PTPRD: variants seen among roughly 807,000 people sequenced by gnomAD.
PTPRD encodes the protein receptor-type tyrosine-protein phosphatase delta.
In PTPRD, 34 loss-of-function variants were observed where a neutral mutation model predicts 214.5. The observed-to-expected ratio is 0.16, with a 90% CI of 0.12 to 0.21. PTPRD has a LOEUF of 0.21. PTPRD is among the 10% of genes least tolerant of loss of function. The probability of loss-of-function intolerance (pLI) is 1.00; values close to 1 mark genes in which losing one functional copy is unlikely to be tolerated. For synonymous variants in PTPRD, 1,128 were observed against 845.7 expected (o/e 1.33, Z -5.79); for missense variants, 2,545 against 2,398.7 (o/e 1.06, Z -1.27).
intron 11 of PTPRD, among the ~76,000 whole-genome samples, chr9:8,823,417 T>C (rs1015311932): frequency 6.6e-6 from 1 of 152,192 alleles, no homozygotes; most frequent in Non-Finnish European, 1.5e-5. Flanking sequence ...ATGGAAACCT[T>C]AAACCAATAG....
intron 3 of PTPRD, among the ~76,000 whole-genome samples, chr9:10,168,006 T>C (rs2099170070): frequency 6.6e-6 from 1 of 152,188 alleles, no homozygotes; most frequent in African/African-American, 2.4e-5. Context: ...TCAGTGACCA[T>C]TATCCTTGGA....
chr9:9,217,653 C>T (rs183824006), intron 9 of PTPRD, among the ~76,000 whole-genome samples: 226 of 152,196 alleles, frequency 1.5e-3, no homozygotes, highest in African/African-American at 4.9e-3. Flanking sequence ...TAAGGGCCTG[C>T]CAGAATAAAG....
chr9:9,319,035 T>C (rs999570144), intron 9 of PTPRD, among the ~76,000 whole-genome samples: 4 of 152,224 alleles, frequency 2.6e-5, no homozygotes, highest in Non-Finnish European at 5.9e-5. Context: ...CAAACAGCAG[T>C]GATTGCTTTC....
chr9:8,830,196 G>C (rs1426880622), intron 11 of PTPRD, among the ~76,000 whole-genome samples: 1 of 152,068 alleles, frequency 6.6e-6, no homozygotes, highest in Non-Finnish European at 1.5e-5. Flanking sequence ...ACCTGCTCAA[G>C]GTCTCACAGC....
At chr9:10,116,632 C>T (rs1045410128) in intron 3 of PTPRD, among the ~76,000 whole-genome samples, 10 of 152,022 alleles carry the variant, frequency 6.6e-5, no homozygotes, top group African/African-American at 1.2e-4. Context: ...AACATTATTT[C>T]GAACAGTCCA....
In PTPRD at chr9:10,538,251, TAAATAAATAAA is replaced by T. The variant is rs1340579016; in HGVS notation, c.-600+74136_-600+74146del. Among the ~76,000 whole-genome samples, 11 of 91,848 alleles carry T rather than the reference TAAATAAATAAA, an allele frequency of 1.2e-4. No individual in the cohort carries two copies. The East Asian group carries it at 2.7e-3, about 23-fold the overall frequency. The allele number at this position is 91,848 out of a possible 152,430, so 60.3% of individuals were successfully genotyped here. On this transcript the variant is annotated intron_variant, in intron 2 of 45. Coordinates refer to ENST00000381196, the MANE Select transcript of PTPRD (RefSeq NM_002839.4). The stretch of plus-strand genomic sequence containing the variant: ...AAAGCCTCATCATAAAATAAATAAA[TAAATAAATAAA>T]TAAATAAATAAATAAATAAATAAAT...
chr9:10,547,876 T>G (rs544741956), intron 2 of PTPRD, among the ~76,000 whole-genome samples: 3 of 152,192 alleles, frequency 2.0e-5, no homozygotes, highest in African/African-American at 7.2e-5. Flanking sequence ...AACATGATAT[T>G]TGGTTGGGAT....
At chr9:9,218,795 C>T (rs932781142) in intron 9 of PTPRD, among the ~76,000 whole-genome samples, 2 of 152,094 alleles carry the variant, frequency 1.3e-5, no homozygotes, top group Non-Finnish European at 2.9e-5. Flanking sequence ...GTCATGAATG[C>T]CCGGCCCTCA....
chr9:10,245,676 A>C (rs2091955442), intron 3 of PTPRD, among the ~76,000 whole-genome samples: 1 of 152,216 alleles, frequency 6.6e-6, no homozygotes, highest in Non-Finnish European at 1.5e-5. Context: ...ATGAATAAAC[A>C]AACTATGAAA....
chr9:10,598,666 A>ATGTGTG (rs750404681), intron 2 of PTPRD, among the ~76,000 whole-genome samples: 1 of 98,324 alleles, frequency 1.0e-5, no homozygotes, highest in Non-Finnish European at 2.1e-5. Flanking sequence ...AACCATTTTT[A>ATGTGTG]TATATGTATG....
intron 7 of PTPRD, among the ~76,000 whole-genome samples, chr9:9,660,691 G>T (rs2096606014): frequency 6.6e-6 from 1 of 151,950 alleles, no homozygotes; most frequent in South Asian, 2.1e-4. Context: ...GAAACTCACA[G>T]TTCTTGTAGT....
At chr9:9,797,098 G>C (rs547685452) in intron 5 of PTPRD, among the ~76,000 whole-genome samples, 1 of 151,374 alleles carries the variant, frequency 6.6e-6, no homozygotes, top group African/African-American at 2.4e-5. Context: ...AAATACATGG[G>C]GAAGGAATAA....
At chr9:8,502,703 T>C (rs562517621) in intron 23 of PTPRD, among the ~76,000 whole-genome samples, 8 of 152,102 alleles carry the variant, frequency 5.3e-5, no homozygotes, top group African/African-American at 1.9e-4. Context: ...AAAAAGCTGA[T>C]TTGGTTTTCA....
intron 8 of PTPRD, among the ~76,000 whole-genome samples, chr9:9,499,041 C>T (rs1202852638): frequency 6.6e-6 from 1 of 151,970 alleles, no homozygotes; most frequent in African/African-American, 2.4e-5. Flanking sequence ...AAAGAGTAGA[C>T]ATTGTAGCCA....
chr9:9,493,833 A>G (rs187810139), intron 8 of PTPRD, among the ~76,000 whole-genome samples: 14 of 151,850 alleles, frequency 9.2e-5, no homozygotes, highest in African/African-American at 3.1e-4. Flanking sequence ...AAAGAAATAC[A>G]TTTTGTAAGG....
intron 2 of PTPRD, among the ~76,000 whole-genome samples, chr9:10,399,869 G>T (rs1227882702): frequency 6.6e-6 from 1 of 151,810 alleles, no homozygotes; most frequent in Non-Finnish European, 1.5e-5. Context: ...GCTGGAGGAT[G>T]CGTAGCTAAG....
chr9:10,142,170 C>T (rs1451222592), intron 3 of PTPRD, among the ~76,000 whole-genome samples: 3 of 151,828 alleles, frequency 2.0e-5, no homozygotes, highest in Admixed American at 1.3e-4. Context: ...CCATAAAAAC[C>T]CTAGAAGAAA....
At chr9:8,579,193 T>C (rs986268075) in intron 14 of PTPRD, among the ~76,000 whole-genome samples, 1 of 152,232 alleles carries the variant, frequency 6.6e-6, no homozygotes, top group Non-Finnish European at 1.5e-5. Context: ...TTTGTAAATG[T>C]GAAAGCACTG....
chr9:9,801,116 G>C (rs568874273), intron 5 of PTPRD, among the ~76,000 whole-genome samples: 13 of 152,164 alleles, frequency 8.5e-5, no homozygotes, highest in Non-Finnish European at 1.8e-4. Context: ...TATATCAAAA[G>C]TAAATATTAG....
Sources: gnomAD v4.1 joint callset for allele counts (sites outside exome capture counted in the v4.1 genomes callset) on GRCh38, gnomAD v4.1.1 for gene constraint, MANE v1.5 for transcripts, NCBI Gene and HGNC (gene_info 2026-07-23, HGNC 2026-07-21) for gene names.